The following PRELID2 variants were observed in gnomAD, a reference collection of about 807,000 sequenced individuals.
The protein encoded by PRELID2 is PRELI domain containing 2.
A neutral mutation model predicts 28.4 loss-of-function variants in PRELID2; 25 were observed. The observed-to-expected ratio is 0.88, with a 90% CI of 0.64 to 1.23. PRELID2 has a LOEUF of 1.23. Among genes scored for constraint, PRELID2 ranks in the 50% most tolerant of loss-of-function variants. PRELID2 has a pLI of 0.00. For missense variants in PRELID2, 201 were observed against 214.4 expected, an observed-to-expected ratio of 0.94 and a Z score of 0.39; for synonymous variants, 76 against 71.6, an observed-to-expected ratio of 1.06 and a Z score of -0.31.
chr5:145,573,073 A>C, intron 1 of PRELID2, among the ~76,000 whole-genome samples: 1 of 152,114 alleles, frequency 6.6e-6, no homozygotes. Flanking sequence ...CTACCTTCTG[A>C]GGTCTCTACT....
intron 1 of PRELID2, among the ~76,000 whole-genome samples, chr5:145,639,671 A>C (rs1267260576): frequency 6.6e-6 from 1 of 152,208 alleles, no homozygotes; most frequent in Non-Finnish European, 1.5e-5. Flanking sequence ...AAACTATTCA[A>C]ATCCAATGTT....
intron 1 of PRELID2, among the ~76,000 whole-genome samples, chr5:145,564,476 G>T (rs1752948822): frequency 6.6e-6 from 1 of 152,092 alleles, no homozygotes; most frequent in African/African-American, 2.4e-5. Context: ...CTGAACTCTT[G>T]GTACAGCTGG....
At chr5:145,344,304 C>A in the PRELID2 span, among the ~76,000 whole-genome samples, 1 of 152,002 alleles carries the variant, frequency 6.6e-6, no homozygotes, top group African/African-American at 2.4e-5. Context: ...GATAACACAT[C>A]ATGAATAAAT....
chr5:145,313,566 T>A, the PRELID2 span, among the ~76,000 whole-genome samples: 1 of 152,152 alleles, frequency 6.6e-6, no homozygotes, highest in Non-Finnish European at 1.5e-5. Context: ...CCAATGAAAA[T>A]GGCTACTGTG....
At chr5:145,299,677 A>G in the PRELID2 span, among the ~76,000 whole-genome samples, 1 of 126,760 alleles carries the variant, frequency 7.9e-6, no homozygotes, top group East Asian at 2.1e-4. Flanking sequence ...GTGTGTGTGT[A>G]ATATAAAATA....
At chr5:145,372,051 A>G in the PRELID2 span, among the ~76,000 whole-genome samples, 1 of 151,808 alleles carries the variant, frequency 6.6e-6, no homozygotes, top group Admixed American at 6.6e-5. Context: ...TGTGCCAATT[A>G]GAGATCTTTC....
intron 1 of PRELID2, among the ~76,000 whole-genome samples, chr5:145,725,189 A>G (rs1161429658): frequency 6.6e-6 from 1 of 152,230 alleles, no homozygotes; most frequent in African/African-American, 2.4e-5. Context: ...AGAATAAAAG[A>G]CAAAAGCAAT....
chr5:145,826,798 A>G (rs1237411541), intron 1 of PRELID2, among the ~76,000 whole-genome samples: 1 of 152,186 alleles, frequency 6.6e-6, no homozygotes, highest in Admixed American at 6.5e-5. Flanking sequence ...AGAATATTCA[A>G]TATGTTTCTG....
the PRELID2 span, among the ~76,000 whole-genome samples, chr5:145,238,622 C>G: frequency 8.6e-5 from 13 of 152,012 alleles, no homozygotes; most frequent in South Asian, 1.2e-3. Flanking sequence ...TTTTTCAAAC[C>G]CTTTTCAAAA....
intron 1 of PRELID2, among the ~76,000 whole-genome samples, chr5:145,735,548 G>GA (rs1756473556): frequency 6.6e-6 from 1 of 151,972 alleles, no homozygotes; most frequent in Non-Finnish European, 1.5e-5. Flanking sequence ...CATGACTGGA[G>GA]AAAAAAAGAA....
At chr5:145,601,222 A>G (rs947254969) in intron 1 of PRELID2, among the ~76,000 whole-genome samples, 3 of 152,184 alleles carry the variant, frequency 2.0e-5, no homozygotes, top group Non-Finnish European at 4.4e-5. Context: ...TGAAAATATA[A>G]TTGTGAAATA....
intron 1 of PRELID2, among the ~76,000 whole-genome samples, chr5:145,576,054 A>G (rs1174792305): frequency 1.3e-5 from 2 of 152,172 alleles, no homozygotes; most frequent in Non-Finnish European, 2.9e-5. Flanking sequence ...AGCTCTGAAG[A>G]ATAGATCAGG....
intron 1 of PRELID2, among the ~76,000 whole-genome samples, chr5:145,637,847 C>G (rs1268893781): frequency 6.9e-6 from 1 of 145,420 alleles, no homozygotes; most frequent in East Asian, 2.0e-4. Context: ...GTCTTGCTCT[C>G]TCTCCCAGGC....
At chr5:145,336,784 A>T in the PRELID2 span, among the ~76,000 whole-genome samples, 2 of 152,026 alleles carry the variant, frequency 1.3e-5, no homozygotes, top group Non-Finnish European at 2.9e-5. Context: ...ATGCAGCCAT[A>T]AAAAATGATG....
intron 1 of PRELID2, among the ~76,000 whole-genome samples, chr5:145,673,783 G>A (rs1483306813): frequency 6.6e-6 from 1 of 151,924 alleles, no homozygotes; most frequent in African/African-American, 2.4e-5. Context: ...CATTGGAAGG[G>A]GAAAAGCCTG....
chr5:145,741,990 T>TTTAC (rs1171108402), intron 1 of PRELID2, among the ~76,000 whole-genome samples: 3 of 67,662 alleles, frequency 4.4e-5, no homozygotes, highest in African/African-American at 1.6e-4. Flanking sequence ...TTATAATAAA[T>TTTAC]TTATTATAAA....
intron 5 of PRELID2, among the ~76,000 whole-genome samples, chr5:145,787,141 AAAAACAAAAC>A (rs914711231): frequency 2.0e-5 from 3 of 152,224 alleles, no homozygotes; most frequent in African/African-American, 4.8e-5. Context: ...CTCAAAAACA[AAAAACAAAAC>A]AAAACAAAAC....
intron 1 of PRELID2, among the ~76,000 whole-genome samples, chr5:145,516,543 G>A (rs376279510): frequency 1.4e-4 from 22 of 152,216 alleles, no homozygotes; most frequent in South Asian, 8.3e-4. Context: ...AATCAATATC[G>A]TGAAAATGGC....
At chr5:145,478,133 T>C (rs1752120223) in intron 1 of PRELID2, among the ~76,000 whole-genome samples, 1 of 152,238 alleles carries the variant, frequency 6.6e-6, no homozygotes, top group African/African-American at 2.4e-5. Context: ...CTTGTTCTAC[T>C]GTCTAGGCCC....
Sources: gnomAD v4.1 joint callset for allele counts (sites outside exome capture counted in the v4.1 genomes callset) on GRCh38, gnomAD v4.1.1 for gene constraint, MANE v1.5 for transcripts, NCBI Gene and HGNC (gene_info 2026-07-23, HGNC 2026-07-21) for gene names.